Variants in DNAJC21 observed in about 807,000 individuals in gnomAD.
DNAJC21 encodes DnaJ heat shock protein family (Hsp40) member C21, also known as dnaJ homolog subfamily C member 21.
Under a neutral mutation model 72.4 loss-of-function variants are expected in DNAJC21, and 63 were observed. The ratio of observed to expected loss-of-function variants is 0.87; its 90% CI spans 0.71 to 1.07. The LOEUF is 1.07. DNAJC21 is among the 50% of genes least tolerant of loss of function. The pLI, the probability that DNAJC21 is intolerant of heterozygous loss-of-function variation, is 0.00. For missense variants in DNAJC21, 634 were observed against 644.8 expected, an observed-to-expected ratio of 0.98 and a Z score of 0.18; for synonymous variants, 203 against 216.7, an observed-to-expected ratio of 0.94 and a Z score of 0.56.
At chr5:34,934,400 T>TC (rs1276674024) in intron 2 of DNAJC21, among the ~76,000 whole-genome samples, 1 of 151,650 alleles carries the variant, frequency 6.6e-6, no homozygotes, top group Non-Finnish European at 1.5e-5. Context: ...CTGTATTTTT[T>TC]TTTTTTTTTT....
chr5:34,951,169 T>A, intron 10 of DNAJC21: 1 of 985,420 alleles, frequency 1.0e-6, no homozygotes, highest in Non-Finnish European at 1.2e-6. Flanking sequence ...TGACTCTGGC[T>A]ATAGAAAAAG....
intron 10 of DNAJC21, 163 bp from the exon 11 acceptor site, chr5:34,953,763 G>T: frequency 2.3e-6 from 1 of 425,732 alleles, no homozygotes. Flanking sequence ...GCTTTTTAAA[G>T]ATGTTCATTT....
rs1764679003 is a variant in DNAJC21, at chr5:34,933,826, G to A, written c.109G>A (p.Asp37Asn). The A allele has an allele frequency of 6.2e-7, 1 of 1,613,394 alleles. No individual in the cohort carries two copies. Residue 37 changes from aspartate to asparagine, a missense_variant, in exon 2 of 12, where the codon GAT (aspartate) becomes AAT (asparagine). Transcript: ENST00000648817. ...ALKWHPDKNL[D>N]NAAEAAEQFK... is the part of the protein sequence containing the mutation. Reference sequence around the variant, plus strand: ...TGTGACTTTAACAGATAAAAATCTGGATAATGCCGCAGAAGCAGCTGAACA... The same window carrying A: ...TGTGACTTTAACAGATAAAAATCTGAATAATGCCGCAGAAGCAGCTGAACA...
intron 9 of DNAJC21, 96 bp downstream of exon 9, chr5:34,945,899 T>C (rs1304581815): frequency 1.6e-5 from 13 of 800,034 alleles, no homozygotes; most frequent in East Asian, 8.7e-5. Flanking sequence ...GAGAAACTTA[T>C]ACTCCATAAT....
rs1408928139 is a variant in DNAJC21 at position 34,937,613 on chromosome 5, G to A, written c.726G>A (p.Gln242=). Residue 242 remains glutamine, a synonymous_variant, in exon 5 of 12, where the codon CAG becomes CAA. Coordinates refer to ENST00000648817, the MANE Select transcript of DNAJC21 (RefSeq NM_001012339.3). ...ARKAEEMRRQ[Q]KLKQAKLVEQ... ...AAGCCGAAGAGATGAGGCGGCAGCA[G>A]AAGCTAAAGCAGGCCAAGTGCGTAG... 1 of 1,612,878 alleles carries A rather than the reference G, an allele frequency of 6.2e-7. No homozygotes were observed. The highest frequency in any genetic ancestry group is 1.1e-5 in the South Asian group (1 of 90,974).
intron 9 of DNAJC21, 66 bp downstream of exon 9, chr5:34,945,869 A>G (rs750604732): frequency 8.7e-7 from 1 of 1,147,542 alleles, no homozygotes; most frequent in Non-Finnish European, 1.2e-6. Flanking sequence ...TTATTTATTC[A>G]GTGTAGTCTG....
At chr5:34,949,598 GA>G in intron 9 of DNAJC21, 2 of 1,588,258 alleles carry the variant, frequency 1.3e-6, no homozygotes, top group East Asian at 2.3e-5. Context: ...ATGGCTTGGG[GA>G]AAAAAGTGTG....
chr5:34,939,261 A>ATT (rs761706255), intron 6 of DNAJC21, among the ~76,000 whole-genome samples: 5 of 144,536 alleles, frequency 3.5e-5, no homozygotes, highest in Admixed American at 6.9e-5. Context: ...AAGTGTGACT[A>ATT]TTTTTTTTTT....
intron 8 of DNAJC21, 43 bp from the exon 9 acceptor site, chr5:34,945,718 A>G (rs1765155128): frequency 8.6e-6 from 13 of 1,513,286 alleles, no homozygotes; most frequent in Admixed American, 7.0e-5. Flanking sequence ...CTTACTCTTC[A>G]CAGAGTCAAG....
At chr5:34,943,359 A>G (rs764259274) in intron 7 of DNAJC21, among the ~76,000 whole-genome samples, 2 of 152,058 alleles carry the variant, frequency 1.3e-5, no homozygotes, top group African/African-American at 4.8e-5. Context: ...TTTCCTCATG[A>G]TTAGATTCAG....
intron 10 of DNAJC21, chr5:34,951,545 G>A (rs1289136744): frequency 2.5e-6 from 2 of 815,800 alleles, no homozygotes. Context: ...TTTTTTTTTT[G>A]GAGATGGAGT....
chr5:34,954,760 C>G lies in DNAJC21; in HGVS notation c.*46C>G. The G allele has an allele frequency of 6.7e-7, 1 of 1,494,964 alleles. No homozygotes were observed. Among genetic ancestry groups the G allele is most frequent in the Non-Finnish European group, 8.9e-7 (1 of 1,118,598 alleles). The allele number at this position is 1,494,964 out of a possible 1,614,324, so 92.6% of individuals were successfully genotyped here. A position where few individuals can be genotyped will look rare whatever the true frequency, so the allele number is the denominator to read the frequency against. Reference sequence around the variant, plus strand: ...TTTGACTGTCTCTAGATTTTGAAACCAAAAAACTGAACTGAAATCATCTAA... The same window carrying G: ...TTTGACTGTCTCTAGATTTTGAAACGAAAAAACTGAACTGAAATCATCTAA... On this transcript the variant is annotated 3_prime_UTR_variant, in exon 12 of 12. Transcript: ENST00000648817.
In DNAJC21 at chr5:34,950,280, G is replaced by A; in HGVS notation, c.1296G>A (p.Gln432=). 1.2e-6 allele frequency: 2 copies of A among 1,613,770 alleles called. No individual in the cohort carries two copies. Among genetic ancestry groups the A allele is most frequent in the Non-Finnish European group, 1.7e-6 (2 of 1,179,888 alleles). The change falls in exon 10 of 12, where the codon CAG becomes CAA. Residue 432 remains glutamine (Q), a synonymous_variant. Coordinates refer to ENST00000648817, the MANE Select transcript of DNAJC21 (RefSeq NM_001012339.3). ...DSAKELEDSP[Q]ENVSVTEIIK... ...CCAAAGAATTGGAAGATAGTCCCCA[G>A]GAAAATGTCAGTGTCACAGAGATCA...
rs767018809 is a variant in DNAJC21, at chr5:34,929,795, C to CGCCG, written c.-20_-17dup. ...GCCCCGACCCCGTCCCGGGCCCCAG[C>CGCCG]GCCGGCCGCCCGCCCGGTCGGGCGA... On this transcript the variant is annotated 5_prime_UTR_variant, in exon 1 of 12. Transcript: ENST00000648817. 3.4e-3 allele frequency: 4,503 copies of CGCCG among 1,335,106 alleles called. 12 individuals carry two copies. The highest frequency in any genetic ancestry group is 4.0e-3 in the Non-Finnish European group (4,101 of 1,020,904). 82.7% of individuals were successfully genotyped at this position (1,335,106 alleles called of 1,614,324 possible).
intron 7 of DNAJC21, among the ~76,000 whole-genome samples, chr5:34,943,242 A>G (rs1765058704): frequency 1.3e-5 from 2 of 152,224 alleles, no homozygotes; most frequent in African/African-American, 2.4e-5. Flanking sequence ...AATGCAGTCT[A>G]AGAACATAAT....
intron 5 of DNAJC21, among the ~76,000 whole-genome samples, chr5:34,938,377 C>G (rs1221671742): frequency 6.6e-6 from 1 of 152,158 alleles, no homozygotes; most frequent in Non-Finnish European, 1.5e-5. Context: ...TCCAGACTTT[C>G]CTGCTTTAGC....
At chr5:34,946,544 T>C (rs1221120887) in intron 9 of DNAJC21, among the ~76,000 whole-genome samples, 1 of 152,142 alleles carries the variant, frequency 6.6e-6, no homozygotes, top group African/African-American at 2.4e-5. Flanking sequence ...TAATAATATA[T>C]TTAATAGTCT....
Position 34,941,130 on chromosome 5 carries a change from C to G in DNAJC21, c.930C>G (p.Leu310=), listed in dbSNP as rs780308910. The change falls in exon 7 of 12, where the codon CTC becomes CTG. Residue 310 remains leucine, a synonymous_variant. Coordinates refer to ENST00000648817, the MANE Select transcript of DNAJC21 (RefSeq NM_001012339.3). ...KDSDEAEDAE[L]YDDLYCPACD... ...GTGATGAGGCCGAGGACGCTGAGCT[C>G]TATGATGACCTTTACTGCCCAGCAT... The G allele has an allele frequency of 6.2e-7, 1 of 1,614,134 alleles. No homozygotes were observed. Among genetic ancestry groups the G allele is most frequent in the South Asian group, 1.1e-5 (1 of 91,080 alleles).
chr5:34,934,556 G>A (rs958581836), intron 2 of DNAJC21, among the ~76,000 whole-genome samples: 1 of 151,972 alleles, frequency 6.6e-6, no homozygotes, highest in Non-Finnish European at 1.5e-5. Flanking sequence ...TACAAGAATG[G>A]TAATCCTCAA....
Sources: gnomAD v4.1 joint callset for allele counts (sites outside exome capture counted in the v4.1 genomes callset) on GRCh38, gnomAD v4.1.1 for gene constraint, MANE v1.5 for transcripts, NCBI Gene and HGNC (gene_info 2026-07-23, HGNC 2026-07-21) for gene names.